DNAH6: variants seen among roughly 807,000 people sequenced by gnomAD.
The protein encoded by DNAH6 is dynein axonemal heavy chain 6.
DNAH6 carries 340 observed loss-of-function variants against 491.4 expected under a neutral mutation model. The ratio of observed to expected loss-of-function variants is 0.69; its 90% CI spans 0.63 to 0.76. The LOEUF is 0.76. Ranked by LOEUF, DNAH6 falls within the 30% of genes least tolerant of loss-of-function variation. The probability of loss-of-function intolerance (pLI) is 0.00; values close to 1 mark genes in which losing one functional copy is unlikely to be tolerated. For synonymous variants in DNAH6, 1,603 were observed against 1,686.1 expected, an observed-to-expected ratio of 0.95 and a Z score of 1.21; for missense variants, 4,443 against 4,972.2, an observed-to-expected ratio of 0.89 and a Z score of 3.20.
chr2:84,681,043 T>C (rs1693731720), intron 41 of DNAH6, among the ~76,000 whole-genome samples: 1 of 152,114 alleles, frequency 6.6e-6, no homozygotes, highest in African/African-American at 2.4e-5. Flanking sequence ...CATTTCCAGG[T>C]GGGTTTGTGC....
intron 41 of DNAH6, 72 bp downstream of exon 41, chr2:84,677,208 A>G: frequency 6.5e-7 from 1 of 1,536,578 alleles, no homozygotes; most frequent in Non-Finnish European, 8.8e-7. Flanking sequence ...CCACAATCAA[A>G]GTGGTGTCTT....
In DNAH6 at chr2:84,557,894, G is replaced by A. The variant is rs748705075; in HGVS notation, c.1762G>A (p.Glu588Lys). The change falls in exon 11 of 77, where the codon GAG becomes AAG. Residue 588 changes from glutamate (E) to lysine (K), a missense_variant. Glu to Lys is a moderately conservative substitution (Grantham distance 56). Coordinates refer to ENST00000389394, the MANE Select transcript of DNAH6 (RefSeq NM_001370.2). The stretch of plus-strand genomic sequence containing the variant: ...TGGGCCAAGTTTAGCAGCAGTATTT[G>A]AGGATGATAAGAATTTTCACACAAT... ...GTGPSLAAVFEDDKNFHTIIS... is the reference protein window; with the variant it reads ...GTGPSLAAVFKDDKNFHTIIS... The A allele has an allele frequency of 3.7e-6, 6 of 1,611,552 alleles. No individual in the cohort carries two copies. In the African/African-American group the frequency reaches 8.0e-5, roughly 22 times the overall value.
chr2:84,616,791 A>G, intron 22 of DNAH6, 95 bp from the exon 23 acceptor site: 1 of 543,746 alleles, frequency 1.8e-6, no homozygotes, highest in Non-Finnish European at 3.1e-6. Context: ...TAGGGAGAAG[A>G]TTCATAAATT....
At chr2:84,693,692 C>T (rs543397509) in intron 45 of DNAH6, among the ~76,000 whole-genome samples, 3 of 151,114 alleles carry the variant, frequency 2.0e-5, no homozygotes, top group East Asian at 3.9e-4. Context: ...GCCGAGATCA[C>T]ACCACTGCAT....
the DNAH6 span, among the ~76,000 whole-genome samples, chr2:84,508,359 G>T: frequency 6.6e-6 from 1 of 152,166 alleles, no homozygotes; most frequent in African/African-American, 2.4e-5. Context: ...TTGCGTAGAG[G>T]TGTTTATAGT....
At chr2:84,793,404 G>T (rs1226566472) in intron 68 of DNAH6, among the ~76,000 whole-genome samples, 1 of 152,186 alleles carries the variant, frequency 6.6e-6, no homozygotes, top group East Asian at 1.9e-4. Context: ...AAAATCTGTT[G>T]ATTTGTAAGG....
chr2:84,517,805 C>T lies in DNAH6; in HGVS notation c.-8-14C>T. ...CTACTTTTCATTTTCTTTTTCCTCA[C>T]CTATTCTTTTCAGGAGTAAGGATGA... On this transcript the variant is annotated splice_polypyrimidine_tract_variant and intron_variant, in intron 1 of 76. Transcript: ENST00000389394. 7 of 1,536,752 alleles carry T rather than the reference C, an allele frequency of 4.6e-6. No homozygotes were observed. The highest frequency in any genetic ancestry group is 1.4e-5 in the African/African-American group (1 of 72,566).
intron 45 of DNAH6, among the ~76,000 whole-genome samples, chr2:84,691,843 C>T (rs1353916342): frequency 2.6e-5 from 4 of 152,060 alleles, no homozygotes; most frequent in African/African-American, 4.8e-5. Flanking sequence ...CATTAAAAAA[C>T]CACATTGTTA....
intron 11 of DNAH6, among the ~76,000 whole-genome samples, chr2:84,566,594 T>G (rs1369993228): frequency 6.6e-6 from 1 of 152,036 alleles, no homozygotes; most frequent in East Asian, 1.9e-4. Context: ...AAGATTTTTT[T>G]TCTCTCTAGG....
At chr2:84,469,169 C>T in the DNAH6 span, among the ~76,000 whole-genome samples, 10 of 151,964 alleles carry the variant, frequency 6.6e-5, no homozygotes, top group Admixed American at 2.0e-4. This position sits in a 1 kb window ranked among gnomAD's most constrained non-coding sequence, Gnocchi z 4.0. Context: ...TTTTCCCATT[C>T]GTTCAACCGT....
intron 23 of DNAH6, among the ~76,000 whole-genome samples, chr2:84,618,826 A>G (rs1261937355): frequency 6.6e-6 from 1 of 152,082 alleles, no homozygotes; most frequent in African/African-American, 2.4e-5. Flanking sequence ...ATTTTTTTTC[A>G]TAAAAGGTCA....
chr2:84,637,237 G>A lies in DNAH6; in HGVS notation c.4681G>A (p.Glu1561Lys). The A allele has an allele frequency of 6.5e-7, 1 of 1,549,372 alleles. No homozygotes were observed. The highest frequency in any genetic ancestry group is 1.2e-5 in the South Asian group (1 of 83,482). Reference protein sequence around the residue: ...KLSRFMFEGREIKLVMTCAAF... With the variant: ...KLSRFMFEGRKIKLVMTCAAF... Reference sequence around the variant, plus strand: ...CTCTAGATTCATGTTTGAGGGGCGGGAAATAAAGTTGGTGATGACTTGTGC... The same window carrying A: ...CTCTAGATTCATGTTTGAGGGGCGGAAAATAAAGTTGGTGATGACTTGTGC... The change falls in exon 31 of 77, where the codon GAA becomes AAA. Residue 1561 changes from glutamate (E) to lysine (K), a missense_variant. Around this residue, in one of 3 missense-constraint regions of DNAH6, gnomAD observed 2,977 missense variants for 3,296.6 expected, o/e 0.90. Coordinates refer to ENST00000389394, the MANE Select transcript of DNAH6 (RefSeq NM_001370.2).
At chr2:84,729,196 T>TTA (rs900404132) in intron 61 of DNAH6, among the ~76,000 whole-genome samples, 26 of 152,210 alleles carry the variant, frequency 1.7e-4, no homozygotes, top group African/African-American at 6.3e-4. Flanking sequence ...GCTATGTGTT[T>TTA]TATATATATC....
chr2:84,597,936 C>T (rs981822614), intron 18 of DNAH6, among the ~76,000 whole-genome samples: 4 of 152,054 alleles, frequency 2.6e-5, no homozygotes, highest in African/African-American at 9.6e-5. Flanking sequence ...GCCTGTACAA[C>T]ATAGTGGGAC....
At chr2:84,473,566 G>A in the DNAH6 span, among the ~76,000 whole-genome samples, 105 of 152,254 alleles carry the variant, frequency 6.9e-4, 1 homozygote, top group African/African-American at 2.2e-3. Context: ...GACAGGGAGC[G>A]TTTACTGTTA....
chr2:84,685,311 T>C lies in DNAH6; in HGVS notation c.6917-15T>C. Reference sequence around the variant, plus strand: ...TAGAATTTTTCTTTTTTTTTTTCCTTTTCTTAAAAAACAGGTATCCTCCAA... The same window carrying C: ...TAGAATTTTTCTTTTTTTTTTTCCTCTTCTTAAAAAACAGGTATCCTCCAA... On this transcript the variant is annotated splice_polypyrimidine_tract_variant and intron_variant, in intron 42 of 76. Coordinates refer to ENST00000389394, the MANE Select transcript of DNAH6 (RefSeq NM_001370.2). The C allele has an allele frequency of 6.9e-7, 1 of 1,446,412 alleles. No homozygotes were observed. The highest frequency in any genetic ancestry group is 9.2e-7 in the Non-Finnish European group (1 of 1,089,048). 89.6% of individuals were successfully genotyped at this position (1,446,412 alleles called of 1,614,324 possible).
chr2:84,485,670 C>G, the DNAH6 span, among the ~76,000 whole-genome samples: 1 of 151,978 alleles, frequency 6.6e-6, no homozygotes. Context: ...GAGATTTACA[C>G]CCTCCCAAAC....
chr2:84,790,149 G>C (rs2105260004), intron 68 of DNAH6, among the ~76,000 whole-genome samples: 1 of 152,290 alleles, frequency 6.6e-6, no homozygotes, highest in African/African-American at 2.4e-5. Context: ...AGGTGCCAAG[G>C]CAATTCAATG....
the DNAH6 span, among the ~76,000 whole-genome samples, chr2:84,494,328 G>A: frequency 6.6e-6 from 1 of 152,114 alleles, no homozygotes; most frequent in Non-Finnish European, 1.5e-5. Flanking sequence ...AGCATTTGAC[G>A]AAGACCATGA....
Sources: allele counts gnomAD v4.1 joint callset (sites outside exome capture counted in the v4.1 genomes callset), GRCh38; gene constraint gnomAD v4.1.1; regional missense constraint gnomAD v4.1.1; non-coding constraint Gnocchi (gnomAD v3.1); transcripts MANE v1.5; gene names NCBI Gene and HGNC (gene_info 2026-07-23, HGNC 2026-07-21).